The following CHST10 variants were observed in gnomAD, a reference collection of about 807,000 sequenced individuals.
CHST10 encodes the protein carbohydrate sulfotransferase 10.
CHST10 carries 24 observed loss-of-function variants against 34.7 expected under a neutral mutation model. The ratio of observed to expected loss-of-function variants is 0.69; its 90% confidence interval spans 0.50 to 0.97. The LOEUF is 0.97. Among genes scored for constraint, CHST10 ranks in the 50% least tolerant of loss-of-function variants. The pLI is 0.00. For synonymous variants in CHST10, 161 were observed against 169.3 expected, an observed-to-expected ratio of 0.95 and a Z score of 0.38; for missense variants, 402 against 452.1, an observed-to-expected ratio of 0.89 and a Z score of 1.00.
rs948702077 is a variant in CHST10 at position 100,392,006 on chromosome 2, C to T, written c.*1239G>A. On this transcript the variant is annotated 3_prime_UTR_variant, in exon 7 of 7. Coordinates refer to ENST00000264249, the MANE Select transcript of CHST10 (RefSeq NM_004854.5). ...GGCACCATGCAGGCTCAGGCTGGCA[C>T]TCATCCCAGGAAACTGTCCCAGTTC... 7.2e-5 allele frequency: 11 copies of T among 152,886 alleles called. No individual in the cohort carries two copies. The East Asian group carries it at 7.7e-4, about 11-fold the overall frequency. The allele number at this position is 152,886 out of a possible 1,614,324, so 9.5% of individuals were successfully genotyped here. A position where few individuals can be genotyped will look rare whatever the true frequency, so the allele number is the denominator to read the frequency against.
At chr2:100,409,981 G>A (rs867504243) in intron 2 of CHST10, among the ~76,000 whole-genome samples, 29 of 152,232 alleles carry the variant, frequency 1.9e-4, no homozygotes, top group Admixed American at 1.4e-3. Flanking sequence ...ATGGTACCAG[G>A]ACACGTGGAG....
At chr2:100,415,138 AG>A (rs780701898) in intron 1 of CHST10, 27 bp from the exon 2 acceptor site, 95 of 1,203,948 alleles carry the variant, frequency 7.9e-5, no homozygotes, top group Non-Finnish European at 5.9e-5. Flanking sequence ...AAAAAAAAAA[AG>A]CATTATTAAA....
At chr2:100,394,726 C>CAT (rs1215057369) in intron 6 of CHST10, among the ~76,000 whole-genome samples, 1 of 140,540 alleles carries the variant, frequency 7.1e-6, no homozygotes, top group African/African-American at 2.6e-5. Flanking sequence ...ACTCCATCTT[C>CAT]TTTTTTTTTT....
In CHST10 at chr2:100,407,520, G is replaced by A. The variant is rs551324538; in HGVS notation, c.-32-813C>T. ...ACCCTGGGCTGAGCTGGCTTCCACC[G>A]ACTGACTGAGGCCATCCATCACTTC... is the stretch of plus-strand genomic sequence containing the variant. On this transcript the variant is annotated intron_variant, in intron 2 of 6. Coordinates refer to ENST00000264249, the MANE Select transcript of CHST10 (RefSeq NM_004854.5). Among the ~76,000 whole-genome samples the A allele has an allele frequency of 3.0e-4, 45 of 152,278 alleles. No individual in the cohort carries two copies. In the South Asian group the frequency reaches 8.9e-3, roughly 30 times the overall value.
chr2:100,395,663 C>A, intron 5 of CHST10, 49 bp from the exon 6 acceptor site: 1 of 1,462,808 alleles, frequency 6.8e-7, no homozygotes, highest in African/African-American at 1.4e-5. Context: ...CAGTACGCCC[C>A]TTAGAGAAGG....
chr2:100,402,493 G>A, intron 4 of CHST10, 71 bp downstream of exon 4: 3 of 1,259,804 alleles, frequency 2.4e-6, no homozygotes, highest in Non-Finnish European at 3.5e-6. Flanking sequence ...CCAGCCACAG[G>A]GGAAGGCCAG....
intron 5 of CHST10, among the ~76,000 whole-genome samples, chr2:100,397,202 A>G (rs1199789966): frequency 6.6e-6 from 1 of 152,198 alleles, no homozygotes; most frequent in African/African-American, 2.4e-5. Context: ...CAGAGCCCAT[A>G]ATTATTAGGA....
chr2:100,409,373 G>C (rs1334932718), intron 2 of CHST10, among the ~76,000 whole-genome samples: 3 of 152,188 alleles, frequency 2.0e-5, no homozygotes, highest in Non-Finnish European at 2.9e-5. Flanking sequence ...AGGTGGCCTA[G>C]GGATAGGATT....
chr2:100,406,140 G>A (rs983324885), intron 3 of CHST10, among the ~76,000 whole-genome samples: 2 of 152,154 alleles, frequency 1.3e-5, no homozygotes, highest in Non-Finnish European at 2.9e-5. Flanking sequence ...CTCCTCCGCT[G>A]CATGGAGGGT....
intron 4 of CHST10, among the ~76,000 whole-genome samples, chr2:100,399,228 C>T (rs368839381): frequency 2.0e-5 from 3 of 152,000 alleles, no homozygotes; most frequent in South Asian, 2.1e-4. Context: ...CTCAGCCTCT[C>T]GAGTAGCTGG....
chr2:100,393,015 T>A lies in CHST10; in HGVS notation c.*230A>T. On this transcript the variant is annotated 3_prime_UTR_variant, in exon 7 of 7. Coordinates refer to ENST00000264249, the MANE Select transcript of CHST10 (RefSeq NM_004854.5). ...CTGAGGTGAGCAAAGGCCAGCGACA[T>A]CCTAATGCACGCAGGGGTGTGGGCA... 3.5e-6 allele frequency: 2 copies of A among 573,836 alleles called. No individual in the cohort carries two copies. The highest frequency in any genetic ancestry group is 3.1e-6 in the Non-Finnish European group (1 of 322,614). 35.5% of individuals were successfully genotyped at this position (573,836 alleles called of 1,614,324 possible).
At chr2:100,400,563 A>G (rs1447995109) in intron 4 of CHST10, among the ~76,000 whole-genome samples, 1 of 152,172 alleles carries the variant, frequency 6.6e-6, no homozygotes, top group Non-Finnish European at 1.5e-5. Flanking sequence ...TTCTTGTTCA[A>G]TTGTGTGTAA....
chr2:100,411,302 G>C (rs1040409380), intron 2 of CHST10, among the ~76,000 whole-genome samples: 2 of 151,828 alleles, frequency 1.3e-5, no homozygotes, highest in Non-Finnish European at 2.9e-5. Context: ...AGTAGAGATG[G>C]GGTTTCACCA....
intron 2 of CHST10, among the ~76,000 whole-genome samples, chr2:100,410,097 T>C (rs986231956): frequency 2.0e-5 from 3 of 152,188 alleles, no homozygotes; most frequent in African/African-American, 7.2e-5. Context: ...CTATCAGCAT[T>C]TCAAGCACAG....
chr2:100,398,101 G>A lies in CHST10; in HGVS notation c.234C>T (p.Pro78=). 6 of 1,613,896 alleles carry A rather than the reference G, an allele frequency of 3.7e-6. No individual in the cohort carries two copies. Among genetic ancestry groups the A allele is most frequent in the Non-Finnish European group, 5.1e-6 (6 of 1,179,944 alleles). ...KELPDSQLVQ[P]LVYMERLELI... ...GTTCCAGGCGCTCCATGTAGACCAGGGGCTGAACGAGCTGGCTGTCTGGAA... is the reference window on the plus strand; with the variant it reads ...GTTCCAGGCGCTCCATGTAGACCAGAGGCTGAACGAGCTGGCTGTCTGGAA... Residue 78 remains proline (P), a synonymous_variant, in exon 5 of 7, where the codon CCC becomes CCT. Transcript: ENST00000264249.
At chr2:100,405,602 C>T (rs1320085571) in intron 3 of CHST10, among the ~76,000 whole-genome samples, 1 of 152,192 alleles carries the variant, frequency 6.6e-6, no homozygotes, top group African/African-American at 2.4e-5. Context: ...AGTGCAGCCT[C>T]CAGGAAGAAC....
At position 100,393,444 on chromosome 2, in the gene CHST10, G is replaced by A. The variant is rs1377038268; in HGVS notation, c.872C>T (p.Pro291Leu). The A allele has an allele frequency of 6.2e-7, 1 of 1,614,132 alleles. No homozygotes were observed. Among genetic ancestry groups the A allele is most frequent in the Non-Finnish European group, 8.5e-7 (1 of 1,180,040 alleles). The change falls in exon 7 of 7, where the codon CCA (proline) becomes CTA (leucine). Residue 291 changes from proline to leucine, a missense_variant. By Grantham distance (98) the Pro-to-Leu change is moderately conservative (BLOSUM62 -3). Transcript: ENST00000264249. ...AATGCCAGCCTCTTTTAAGATGTAT[G>A]GGGCATCGTCCTCCAGGGTCTCGTG... ...GHHETLEDDAPYILKEAGIDH... is the reference protein window; with the variant it reads ...GHHETLEDDALYILKEAGIDH...
rs374730803 is a variant in CHST10 at position 100,393,576 on chromosome 2, G to A, written c.740C>T (p.Pro247Leu). Reference sequence around the variant, plus strand: ...CTGAAGGTCTAGCCATCTGTGGTTCGGATCGCCGAGGTAGCGCACGAAATC... The same window carrying A: ...CTGAAGGTCTAGCCATCTGTGGTTCAGATCGCCGAGGTAGCGCACGAAATC... ...FEDFVRYLGD[P>L]NHRWLDLQFG... The change falls in exon 7 of 7, where the codon CCG (proline) becomes CTG (leucine). Residue 247 changes from proline to leucine, a missense_variant. By Grantham distance (98) the Pro-to-Leu change is moderately conservative. Coordinates refer to ENST00000264249, the MANE Select transcript of CHST10 (RefSeq NM_004854.5). 174 of 1,613,960 alleles carry A rather than the reference G, an allele frequency of 1.1e-4. No individual in the cohort carries two copies. The highest frequency in any genetic ancestry group is 1.5e-4 in the South Asian group (14 of 91,068).
intron 2 of CHST10, among the ~76,000 whole-genome samples, 198 bp downstream of exon 2, chr2:100,414,843 A>G (rs1188957427): frequency 6.6e-6 from 1 of 152,198 alleles, no homozygotes; most frequent in Non-Finnish European, 1.5e-5. Context: ...TACCAAGCAC[A>G]GGTCTCAGCA....
Sources: allele counts gnomAD v4.1 joint callset (sites outside exome capture counted in the v4.1 genomes callset), GRCh38; gene constraint gnomAD v4.1.1; transcripts MANE v1.5; gene names NCBI Gene and HGNC (gene_info 2026-07-23, HGNC 2026-07-21).